Variants in ATG7 observed in about 807,000 individuals in gnomAD.
ATG7 encodes ubiquitin-like modifier-activating enzyme ATG7.
A neutral mutation model predicts 82.4 loss-of-function variants in ATG7; 70 were observed. The ratio of observed to expected loss-of-function variants is 0.85; its 90% CI spans 0.70 to 1.04. ATG7 has a LOEUF of 1.04. Among genes scored for constraint, ATG7 ranks in the 50% least tolerant of loss-of-function variants. The pLI, the probability that ATG7 is intolerant of heterozygous loss-of-function variation, is 0.00. For synonymous variants in ATG7, 287 were observed against 313.0 expected (o/e 0.92, Z 0.88); for missense variants, 792 against 864.3 (o/e 0.92, Z 1.05).
chr3:11,429,835 C>T (rs554752561), intron 20 of ATG7, among the ~76,000 whole-genome samples: 26 of 151,108 alleles, frequency 1.7e-4, no homozygotes, highest in Admixed American at 1.7e-3. Context: ...GTAGTCCCAG[C>T]TACTCTGGGA....
chr3:11,364,084 A>G (rs2076445969), intron 17 of ATG7, among the ~76,000 whole-genome samples: 1 of 152,218 alleles, frequency 6.6e-6, no homozygotes, highest in African/African-American at 2.4e-5. Context: ...TTTAAACACC[A>G]GGTCCTGTGT....
At chr3:11,464,066 G>A (rs191750386) in intron 20 of ATG7, among the ~76,000 whole-genome samples, 7 of 152,304 alleles carry the variant, frequency 4.6e-5, no homozygotes, top group African/African-American at 1.7e-4. Context: ...AACAACAGGT[G>A]TAGTATGCTT....
chr3:11,478,704 T>A (rs1055672678), intron 20 of ATG7, among the ~76,000 whole-genome samples: 2 of 151,954 alleles, frequency 1.3e-5, no homozygotes, highest in African/African-American at 4.8e-5. Context: ...AATTGAAAAT[T>A]TAAAAGAAAA....
chr3:11,521,592 AC>A (rs2092444418), intron 20 of ATG7, among the ~76,000 whole-genome samples: 1 of 148,548 alleles, frequency 6.7e-6, no homozygotes, highest in East Asian at 2.0e-4. Context: ...TCGCTCTGTC[AC>A]CCAGGCTGGA....
chr3:11,326,424 G>A (rs1010324106), intron 9 of ATG7, among the ~76,000 whole-genome samples: 2 of 151,850 alleles, frequency 1.3e-5, no homozygotes, highest in Admixed American at 1.3e-4. Context: ...TCAGTCTCCC[G>A]AGTAGCTGGG....
chr3:11,396,119 A>G (rs73017651), intron 19 of ATG7, among the ~76,000 whole-genome samples: 2,274 of 89,278 alleles, frequency 0.025, 32 homozygotes, highest in South Asian at 0.076. Flanking sequence ...GAAGTATAGG[A>G]AAAAAAAAAA....
intron 20 of ATG7, among the ~76,000 whole-genome samples, chr3:11,455,500 A>G (rs1161758853): frequency 2.0e-5 from 3 of 152,096 alleles, no homozygotes; most frequent in Non-Finnish European, 2.9e-5. Flanking sequence ...CCTCCAGCAT[A>G]CTCATTTTGT....
intron 20 of ATG7, chr3:11,529,706 C>CGT (rs1228604582): frequency 7.8e-5 from 12 of 152,990 alleles, no homozygotes; most frequent in African/African-American, 2.9e-4. Context: ...TGGTTAGCAA[C>CGT]GTCCTGGTCT....
chr3:11,422,741 T>C (rs1157261239), intron 19 of ATG7, among the ~76,000 whole-genome samples: 2 of 16,096 alleles, frequency 1.2e-4, no homozygotes, highest in Admixed American at 1.2e-3. Context: ...CATTTCTAGC[T>C]TTTTTTTTTT....
rs371679942 is a variant in ATG7, at chr3:11,310,045, G to A, written c.411+984G>A. On this transcript the variant is annotated intron_variant, in intron 7 of 20. Transcript: ENST00000693202. Reference sequence around the variant, plus strand: ...GCTGGGTGTGGTGGCGCCTGCCTGTGGTTCCAGCTACTGGGGAGCTGAGGT... The same window carrying A: ...GCTGGGTGTGGTGGCGCCTGCCTGTAGTTCCAGCTACTGGGGAGCTGAGGT... 6.6e-4 allele frequency among the ~76,000 whole-genome samples: 100 copies of A among 152,032 alleles called. 1 individual carries two copies. Among genetic ancestry groups the A allele is most frequent in the African/African-American group, 2.0e-3 (84 of 41,454 alleles).
chr3:11,426,804 G>T lies in ATG7; in HGVS notation c.1957G>T (p.Val653Phe), dbSNP rs2082400757. 7.0e-6 allele frequency: 11 copies of T among 1,581,658 alleles called. No homozygotes were observed. Among genetic ancestry groups the T allele is most frequent in the Non-Finnish European group, 9.4e-6 (11 of 1,168,210 alleles). ...FDKCTACSSK[V>F]LDQYEREGFN... ...TTTAAAAAATGTAAATGTTTTACAG[G>T]TTCTTGATCAATATGAACGAGAAGG... Residue 653 changes from valine to phenylalanine, a missense_variant and splice_region_variant, in exon 20 of 21, where the codon GTT (valine) becomes TTT (phenylalanine). Coordinates refer to ENST00000693202, the MANE Select transcript of ATG7 (RefSeq NM_001349232.2).
chr3:11,388,207 G>C (rs1575959012), intron 19 of ATG7, among the ~76,000 whole-genome samples: 1 of 152,108 alleles, frequency 6.6e-6, no homozygotes, highest in East Asian at 1.9e-4. Flanking sequence ...GTAGTAAAGG[G>C]AGATGCAGGG....
At chr3:11,565,509 G>C in the ATG7 span, among the ~76,000 whole-genome samples, 1 of 152,176 alleles carries the variant, frequency 6.6e-6, no homozygotes, top group Non-Finnish European at 1.5e-5. The surrounding 1 kb of genome is among the most constrained non-coding windows in gnomAD (Gnocchi z 4.1). Context: ...ACAGCACTAA[G>C]CAGGCAATGC....
chr3:11,539,731 CT>C (rs1366233471), intron 20 of ATG7, among the ~76,000 whole-genome samples: 1 of 152,234 alleles, frequency 6.6e-6, no homozygotes, highest in African/African-American at 2.4e-5. Context: ...AAAATAAAAT[CT>C]ATTGATGCGC....
chr3:11,280,150 A>C (rs1942777415), intron 1 of ATG7, among the ~76,000 whole-genome samples: 1 of 151,922 alleles, frequency 6.6e-6, no homozygotes, highest in African/African-American at 2.4e-5. Flanking sequence ...GGGTTCAAGC[A>C]ATTCTCAAGC....
At chr3:11,364,586 A>G in intron 17 of ATG7, 73 bp from the exon 18 acceptor site, 1 of 1,523,924 alleles carries the variant, frequency 6.6e-7, no homozygotes, top group East Asian at 2.3e-5. Context: ...TCTTATGTAG[A>G]TTTCTGCTAG....
chr3:11,528,555 A>G (rs531531833), intron 20 of ATG7, among the ~76,000 whole-genome samples: 14 of 152,178 alleles, frequency 9.2e-5, no homozygotes, highest in Non-Finnish European at 7.4e-5. Flanking sequence ...GTTTGGGCGC[A>G]GTGACTCATT....
chr3:11,424,091 G>GC (rs1170725454), intron 19 of ATG7, among the ~76,000 whole-genome samples: 2 of 151,968 alleles, frequency 1.3e-5, no homozygotes, highest in South Asian at 2.1e-4. Flanking sequence ...GAGCTCCCCT[G>GC]CCTCCCGTCG....
At chr3:11,279,938 GTT>G (rs34457373) in intron 1 of ATG7, among the ~76,000 whole-genome samples, 24 of 143,614 alleles carry the variant, frequency 1.7e-4, no homozygotes, top group Middle Eastern at 3.6e-3. Flanking sequence ...GGGGACCATA[GTT>G]TTTTTTTTTT....
Sources: allele counts gnomAD v4.1 joint callset (sites outside exome capture counted in the v4.1 genomes callset), GRCh38; gene constraint gnomAD v4.1.1; non-coding constraint Gnocchi (gnomAD v3.1); transcripts MANE v1.5; gene names NCBI Gene and HGNC (gene_info 2026-07-23, HGNC 2026-07-21).